The following ARHGEF3 variants were observed in gnomAD, a reference collection of about 807,000 sequenced individuals.
ARHGEF3 encodes 59.8 kDA protein.
Under a neutral mutation model 63.2 loss-of-function variants are expected in ARHGEF3, and 28 were observed. The ratio of observed to expected loss-of-function variants is 0.44; its 90% CI spans 0.33 to 0.61. The LOEUF is 0.61. ARHGEF3 is among the 20% of genes least tolerant of loss of function. The pLI is 0.03. For missense variants in ARHGEF3, 533 were observed against 659.3 expected (o/e 0.81, Z 2.10); for synonymous variants, 266 against 254.2 (o/e 1.05, Z -0.44).
At position 56,751,438 on chromosome 3, in the gene ARHGEF3, C is replaced by T. The variant is rs770439503; in HGVS notation, c.439-42G>A. Reference sequence around the variant, plus strand: ...AGAGATGGAAGCACATGTTTAAAATCAGAGGAAGTACATTGTTCATGTAAG... The same window carrying T: ...AGAGATGGAAGCACATGTTTAAAATTAGAGGAAGTACATTGTTCATGTAAG... On this transcript the variant is annotated intron_variant, in intron 4 of 9. Coordinates refer to ENST00000296315, the MANE Select transcript of ARHGEF3 (RefSeq NM_019555.3). The T allele has an allele frequency of 6.0e-5, 92 of 1,533,142 alleles. No individual in the cohort carries two copies. In the Middle Eastern group the frequency reaches 3.2e-3, roughly 53 times the overall value. The allele number at this position is 1,533,142 out of a possible 1,614,324, so 95.0% of individuals were successfully genotyped here. A position where few individuals can be genotyped will look rare whatever the true frequency, so the allele number is the denominator to read the frequency against.
At chr3:56,801,572 A>G in intron 1 of ARHGEF3, 131 bp downstream of exon 1, 1 of 1,221,692 alleles carries the variant, frequency 8.2e-7, no homozygotes. Context: ...TAGAGAGAGA[A>G]AGTGGCACAC....
intron 6 of ARHGEF3, among the ~76,000 whole-genome samples, chr3:56,746,096 A>T (rs747658010): frequency 2.6e-4 from 40 of 152,228 alleles, no homozygotes; most frequent in Non-Finnish European, 5.6e-4. Context: ...TCAGAGATTC[A>T]ACGGAAAAGG....
At position 57,035,121 on chromosome 3, in the gene ARHGEF3, C is replaced by CATTG. The variant is rs1400984886; in HGVS notation, c.25_28dup (p.Cys10SerfsTer5). ...GTTTTCTTCCATTCCTCTACAGCTG[C>CATTG]ATTGATTCATTGCTGTGGAACTGTC... On this transcript the variant is annotated frameshift_variant, in exon 2 of 13. Transcript: ENST00000338458. LOFTEE classifies it high-confidence loss of function. The CATTG allele has an allele frequency of 1.9e-6, 3 of 1,548,816 alleles. No homozygotes were observed. The Admixed American group carries it at 5.9e-5, about 31-fold the overall frequency.
chr3:56,818,574 T>C (rs1431219992), intron 4 of ARHGEF3, among the ~76,000 whole-genome samples: 1 of 152,206 alleles, frequency 6.6e-6, no homozygotes, highest in Non-Finnish European at 1.5e-5. Context: ...TCAAGATGTA[T>C]GAATATCTCA....
Position 56,972,901 on chromosome 3 carries a change from G to A in ARHGEF3, c.63-14012C>T, listed in dbSNP as rs184238583. Among the ~76,000 whole-genome samples, 83 of 152,146 alleles carry A rather than the reference G, an allele frequency of 5.5e-4. 1 individual carries two copies. The highest frequency in any genetic ancestry group is 8.8e-4 in the Non-Finnish European group (60 of 68,016). On this transcript the variant is annotated intron_variant, in intron 2 of 12. Coordinates refer to the ARHGEF3 transcript ENST00000338458. ...AGACAGAAGCTCCAGGTGGCGAGAC[G>A]GGGGCAGGGAGGAGGTGAGGAAGTT...
At chr3:56,959,617 T>G (rs1700193084) in intron 2 of ARHGEF3, among the ~76,000 whole-genome samples, 1 of 152,242 alleles carries the variant, frequency 6.6e-6, no homozygotes, top group Admixed American at 6.5e-5. Context: ...TCAGATTTCA[T>G]GTTTGCTGAA....
intron 4 of ARHGEF3, among the ~76,000 whole-genome samples, chr3:56,828,571 T>C (rs2038816841): frequency 6.6e-6 from 1 of 151,992 alleles, no homozygotes; most frequent in Admixed American, 6.6e-5. Context: ...AAAACCAAGT[T>C]GGGTGTTCAT....
rs980174017 is a variant in ARHGEF3 at position 56,818,543 on chromosome 3, T to A, written c.193-44727A>T. ...AAAGGAAAAAAGACCTGGATCAAAC[T>A]GATAGAAGTTGAGCTGCTGCTCAAG... On this transcript the variant is annotated intron_variant, in intron 4 of 12. Coordinates refer to the ARHGEF3 transcript ENST00000338458. Among the ~76,000 whole-genome samples the A allele has an allele frequency of 2.6e-4, 39 of 152,166 alleles. 1 individual carries two copies. Among genetic ancestry groups the A allele is most frequent in the Non-Finnish European group, 8.8e-5 (6 of 68,022 alleles).
chr3:57,042,229 C>T lies in ARHGEF3; in HGVS notation c.-27-7053G>A, dbSNP rs562557620. 2.3e-3 allele frequency among the ~76,000 whole-genome samples: 357 copies of T among 152,132 alleles called. 1 individual carries two copies. Among genetic ancestry groups the T allele is most frequent in the Middle Eastern group, 0.01 (3 of 294 alleles). On this transcript the variant is annotated intron_variant, in intron 1 of 12. Transcript: ENST00000338458. ...ACCCTATGAAAAACAACCAAACTGT[C>T]CATCGATAAGGCACTGGAGAAATAA...
At chr3:56,978,497 A>C (rs1300430346) in intron 2 of ARHGEF3, among the ~76,000 whole-genome samples, 1 of 151,256 alleles carries the variant, frequency 6.6e-6, no homozygotes. Flanking sequence ...ATCAATCAAT[A>C]AACAAACAAA....
intron 3 of ARHGEF3, among the ~76,000 whole-genome samples, chr3:56,892,423 C>A (rs1179160360): frequency 6.6e-6 from 1 of 152,112 alleles, no homozygotes; most frequent in Non-Finnish European, 1.5e-5. Flanking sequence ...CTCAGGTACA[C>A]CAGATTGGAC....
intron 4 of ARHGEF3, among the ~76,000 whole-genome samples, chr3:56,866,999 T>C (rs2040272353): frequency 6.6e-6 from 1 of 152,260 alleles, no homozygotes; most frequent in Non-Finnish European, 1.5e-5. Context: ...GCCTGACTTA[T>C]TTATTAGCTC....
At position 57,065,228 on chromosome 3, in the gene ARHGEF3, G is replaced by A. The variant is rs527913765; in HGVS notation, c.-28+13998C>T. ...TGTAATCCCAGCACTTCGGGAGGCC[G>A]AGGCGGGCAGATAACTTGAGGTCAG... On this transcript the variant is annotated intron_variant, in intron 1 of 12. Coordinates refer to the ARHGEF3 transcript ENST00000338458. Among the ~76,000 whole-genome samples the A allele has an allele frequency of 6.6e-5, 10 of 152,328 alleles. No individual in the cohort carries two copies. In the South Asian group the frequency reaches 1.5e-3, roughly 22 times the overall value.
At chr3:57,067,932 G>C (rs1705653534) in intron 1 of ARHGEF3, among the ~76,000 whole-genome samples, 1 of 152,002 alleles carries the variant, frequency 6.6e-6, no homozygotes, top group African/African-American at 2.4e-5. Context: ...AGAGCTTGCA[G>C]TGAGCCAAGA....
chr3:56,977,458 T>C (rs1701168983), intron 2 of ARHGEF3: 2 of 374,948 alleles, frequency 5.3e-6, no homozygotes, highest in Admixed American at 6.7e-5. Flanking sequence ...AAGATGCTCT[T>C]CCCACTCACT....
chr3:56,852,947 A>G (rs2039729339), intron 4 of ARHGEF3, among the ~76,000 whole-genome samples: 1 of 152,216 alleles, frequency 6.6e-6, no homozygotes, highest in South Asian at 2.1e-4. Context: ...AAACAGTAAA[A>G]GTAAGGGCTA....
At chr3:57,061,807 G>C (rs1579194286) in intron 1 of ARHGEF3, among the ~76,000 whole-genome samples, 1 of 152,304 alleles carries the variant, frequency 6.6e-6, no homozygotes, top group African/African-American at 2.4e-5. Flanking sequence ...ATTTAGTCCT[G>C]AGGTGTGGTA....
chr3:56,820,143 C>G lies in ARHGEF3; in HGVS notation c.193-46327G>C, dbSNP rs138508895. On this transcript the variant is annotated intron_variant, in intron 4 of 12. Transcript: ENST00000338458. ...TGTCATCATTTATTCCTACATTCAA[C>G]TTTTATTGACCTACCAGTTTAATGG... Among the ~76,000 whole-genome samples the G allele has an allele frequency of 6.2e-3, 941 of 152,270 alleles. 7 individuals carry two copies. Among genetic ancestry groups the G allele is most frequent in the African/African-American group, 0.021 (882 of 41,546 alleles).
In ARHGEF3 at chr3:56,773,800, C is replaced by T. The variant is rs1462558222; in HGVS notation, c.113G>A (p.Arg38Gln). 2.5e-6 allele frequency: 4 copies of T among 1,598,050 alleles called. No homozygotes were observed. Among genetic ancestry groups the T allele is most frequent in the South Asian group, 2.3e-5 (2 of 88,450 alleles). Residue 38 changes from arginine to glutamine, a missense_variant, in exon 2 of 10, where the codon CGG (arginine) becomes CAG (glutamine). This residue lies in a region of ARHGEF3 where 160 missense variants were observed against 157.3 expected (regional missense o/e 1.02). Transcript: ENST00000296315. The part of the protein sequence containing the change: ...AKDAEEPSNK[R>Q]VKPLSRVTSL... The stretch of plus-strand genomic sequence containing the variant: ...CGTGACTCGGGAAAGGGGTTTGACC[C>T]GTTTATTACTAGGCTCCTATAGAGT...
Sources: gnomAD v4.1 joint callset for allele counts (sites outside exome capture counted in the v4.1 genomes callset) on GRCh38, gnomAD v4.1.1 for gene constraint, gnomAD v4.1.1 regional missense constraint, MANE v1.5 for transcripts, NCBI Gene and HGNC (gene_info 2026-07-23, HGNC 2026-07-21) for gene names.